GLRA1: variants seen among roughly 807,000 people sequenced by gnomAD.
The protein encoded by GLRA1 is glycine receptor subunit alpha-1.
GLRA1 carries 37 observed loss-of-function variants against 48.3 expected under a neutral mutation model. The ratio of observed to expected loss-of-function variants is 0.77; its 90% CI spans 0.59 to 1.01. The LOEUF is 1.01. GLRA1 is among the 50% of genes least tolerant of loss of function. The pLI is 0.00. For missense variants in GLRA1, 427 were observed against 571.0 expected (o/e 0.75, Z 2.57); for synonymous variants, 196 against 210.7 (o/e 0.93, Z 0.60).
At chr5:151,902,204 G>A (rs946124439) in intron 1 of GLRA1, among the ~76,000 whole-genome samples, 1 of 152,090 alleles carries the variant, frequency 6.6e-6, no homozygotes, top group Non-Finnish European at 1.5e-5. Flanking sequence ...TACCAGCGCT[G>A]TGACAACATC....
chr5:151,845,011 T>A (rs1321835042), intron 7 of GLRA1, among the ~76,000 whole-genome samples: 1 of 152,134 alleles, frequency 6.6e-6, no homozygotes, highest in Non-Finnish European at 1.5e-5. Context: ...TTTTTAAAAA[T>A]CATTTTTTAA....
chr5:151,841,364 T>C (rs1041312454), intron 7 of GLRA1, among the ~76,000 whole-genome samples: 1 of 151,980 alleles, frequency 6.6e-6, no homozygotes, highest in Non-Finnish European at 1.5e-5. Context: ...GAGGGAAGTG[T>C]ATAACTGTAA....
At chr5:151,922,420 A>G (rs910047157) in intron 1 of GLRA1, among the ~76,000 whole-genome samples, 22 of 152,156 alleles carry the variant, frequency 1.4e-4, no homozygotes, top group African/African-American at 4.8e-4. Context: ...AAATTGCTGA[A>G]TTTCCTGAGT....
chr5:151,834,481 T>C (rs1247872444), intron 7 of GLRA1, among the ~76,000 whole-genome samples: 2 of 152,168 alleles, frequency 1.3e-5, no homozygotes, highest in Non-Finnish European at 2.9e-5. Context: ...AAGCAGTGTT[T>C]AGAGGAAAAT....
rs2113342283 is a variant in GLRA1 at position 151,850,794 on chromosome 5, A to C, written c.912+596T>G. 3.5e-6 allele frequency: 3 copies of C among 860,002 alleles called. No individual in the cohort carries two copies. In the Admixed American group the frequency reaches 5.3e-5, roughly 15 times the overall value. 53.3% of individuals were successfully genotyped at this position (860,002 alleles called of 1,614,324 possible). A position where few individuals can be genotyped will look rare whatever the true frequency, so the allele number is the denominator to read the frequency against. ...ATGAGCCCTTCCAGTACAAAAACTA[A>C]GTGGACAAGACCTCCAGCCGTCGAG... On this transcript the variant is annotated intron_variant, in intron 7 of 8. Transcript: ENST00000274576.
intron 6 of GLRA1, among the ~76,000 whole-genome samples, chr5:151,851,951 A>G (rs548357159): frequency 6.6e-6 from 1 of 152,270 alleles, no homozygotes; most frequent in Admixed American, 6.5e-5. Flanking sequence ...TTTTCTTGCT[A>G]AGAATGGGCC....
chr5:151,895,485 G>A (rs967578953), intron 1 of GLRA1, among the ~76,000 whole-genome samples: 4 of 152,150 alleles, frequency 2.6e-5, no homozygotes, highest in African/African-American at 9.7e-5. Flanking sequence ...TACTTAACTT[G>A]TCTGAGCTTT....
At chr5:151,830,518 G>C (rs1007768615) in intron 7 of GLRA1, among the ~76,000 whole-genome samples, 1 of 152,156 alleles carries the variant, frequency 6.6e-6, no homozygotes, top group African/African-American at 2.4e-5. Context: ...ATGGCTCTAG[G>C]CTCTCACCTT....
intron 1 of GLRA1, among the ~76,000 whole-genome samples, chr5:151,906,430 G>T (rs1364432777): frequency 6.6e-6 from 1 of 152,160 alleles, no homozygotes; most frequent in Non-Finnish European, 1.5e-5. Context: ...ATATTTAGTT[G>T]TAGGTCCTGC....
At chr5:151,833,062 A>G (rs569968445) in intron 7 of GLRA1, among the ~76,000 whole-genome samples, 24 of 152,294 alleles carry the variant, frequency 1.6e-4, no homozygotes, top group Admixed American at 1.3e-3. Context: ...CTTCATAAGC[A>G]AAGGAGAAAC....
intron 1 of GLRA1, among the ~76,000 whole-genome samples, chr5:151,918,836 G>T (rs1754799064): frequency 6.6e-6 from 1 of 152,108 alleles, no homozygotes; most frequent in Admixed American, 6.6e-5. Context: ...AGTATCATTT[G>T]AAAGAGCTAC....
intron 1 of GLRA1, among the ~76,000 whole-genome samples, chr5:151,908,140 T>A (rs1413202893): frequency 6.6e-6 from 1 of 152,204 alleles, no homozygotes; most frequent in Non-Finnish European, 1.5e-5. Flanking sequence ...CTCCCAGGTA[T>A]CCATTCAGGC....
At position 151,851,551 on chromosome 5, in the gene GLRA1, A is replaced by G; in HGVS notation, c.751T>C (p.Tyr251His). The G allele has an allele frequency of 6.2e-7, 1 of 1,614,114 alleles. No homozygotes were observed. The change falls in exon 7 of 9, where the codon TAC (tyrosine) becomes CAC (histidine). Residue 251 changes from tyrosine to histidine, a missense_variant. Physicochemically the swap from Tyr to His is moderately conservative, Grantham distance 83. This residue lies in a region of GLRA1 where 271 missense variants were observed against 434.9 expected (regional missense o/e 0.62). Coordinates refer to ENST00000274576, the MANE Select transcript of GLRA1 (RefSeq NM_000171.4). ...RFHLERQMGY[Y>H]LIQMYIPSLL... ...CTGGGAATATACATCTGAATCAGGT[A>G]GTAACCCATCTGCCGCTCCAGGTGG... is the stretch of plus-strand genomic sequence containing the variant.
At chr5:151,842,212 T>G (rs1345600130) in intron 7 of GLRA1, among the ~76,000 whole-genome samples, 1 of 152,142 alleles carries the variant, frequency 6.6e-6, no homozygotes, top group African/African-American at 2.4e-5. Flanking sequence ...AAATCCTTCT[T>G]ATACTCTCAG....
intron 8 of GLRA1, among the ~76,000 whole-genome samples, chr5:151,825,961 CTA>C (rs529223053): frequency 1.1e-3 from 170 of 152,320 alleles, no homozygotes; most frequent in Middle Eastern, 0.01. Flanking sequence ...TCTAAGGAAA[CTA>C]TTCTTTATGG....
At chr5:151,922,329 G>A (rs1754896290) in intron 1 of GLRA1, among the ~76,000 whole-genome samples, 1 of 152,202 alleles carries the variant, frequency 6.6e-6, no homozygotes, top group Admixed American at 6.5e-5. Context: ...AAAAGTGAGT[G>A]ACTTAGAAAT....
At chr5:151,900,487 G>T (rs1754338386) in intron 1 of GLRA1, among the ~76,000 whole-genome samples, 2 of 151,942 alleles carry the variant, frequency 1.3e-5, no homozygotes, top group African/African-American at 4.9e-5. Context: ...TCCTAATGTG[G>T]ACTCTGAATT....
At chr5:151,891,917 C>T (rs1276468858) in intron 2 of GLRA1, among the ~76,000 whole-genome samples, 2 of 152,048 alleles carry the variant, frequency 1.3e-5, no homozygotes, top group Non-Finnish European at 2.9e-5. Context: ...TTGCCAAGCC[C>T]ATTACTATAC....
intron 3 of GLRA1, among the ~76,000 whole-genome samples, chr5:151,873,597 T>C (rs926997209): frequency 6.6e-6 from 1 of 150,696 alleles, no homozygotes; most frequent in Non-Finnish European, 1.5e-5. Flanking sequence ...GAGGTGGAGG[T>C]TGCAGTGAGC....
Sources: allele counts gnomAD v4.1 joint callset (sites outside exome capture counted in the v4.1 genomes callset), GRCh38; gene constraint gnomAD v4.1.1; regional missense constraint gnomAD v4.1.1; transcripts MANE v1.5; gene names NCBI Gene and HGNC (gene_info 2026-07-23, HGNC 2026-07-21).